The following POLE variants were observed in gnomAD, a reference collection of about 807,000 sequenced individuals.
The protein encoded by POLE is DNA polymerase epsilon catalytic subunit A.
Under a neutral mutation model 279.2 loss-of-function variants are expected in POLE, and 188 were observed. The observed-to-expected ratio is 0.67, with a 90% CI of 0.60 to 0.76. The LOEUF (loss-of-function observed/expected upper bound fraction) is 0.76. POLE is among the 30% of genes least tolerant of loss of function. POLE has a pLI of 0.00. For missense variants in POLE, 2,703 were observed against 3,016.7 expected (o/e 0.90, Z 2.44); for synonymous variants, 1,214 against 1,172.5 (o/e 1.04, Z -0.72).
chr12:132,646,085 C>T (rs1206288402), intron 32 of POLE, among the ~76,000 whole-genome samples: 1 of 152,190 alleles, frequency 6.6e-6, no homozygotes, highest in Non-Finnish European at 1.5e-5. Context: ...CAAAGACCAA[C>T]AGGGCATGTC....
chr12:132,645,903 T>C (rs1331117037), intron 32 of POLE, among the ~76,000 whole-genome samples: 1 of 152,194 alleles, frequency 6.6e-6, no homozygotes, highest in Non-Finnish European at 1.5e-5. Context: ...ATATATTTCC[T>C]GGCTGTTCAC....
At chr12:132,673,826 A>C in intron 12 of POLE, 119 bp from the exon 13 acceptor site, 2 of 1,153,256 alleles carry the variant, frequency 1.7e-6, no homozygotes, top group South Asian at 2.7e-5. Context: ...GGCACCCAGG[A>C]GCCTCACACC....
intron 14 of POLE, 36 bp downstream of exon 14, chr12:132,673,125 TGAG>T (rs776178553): frequency 7.6e-7 from 1 of 1,312,708 alleles, no homozygotes; most frequent in South Asian, 1.2e-5. Context: ...GGGCAAGGGC[TGAG>T]GAGGCCAGGG....
At chr12:132,680,887 T>A (rs2043152021) in intron 2 of POLE, 200 bp from the exon 3 acceptor site, 1 of 625,172 alleles carries the variant, frequency 1.6e-6, no homozygotes, top group Non-Finnish European at 2.8e-6. Flanking sequence ...CTCTCTCAAT[T>A]TCTCCCTCAT....
At chr12:132,643,687 T>C in intron 33 of POLE, 127 bp from the exon 34 acceptor site, 1 of 1,467,522 alleles carries the variant, frequency 6.8e-7, no homozygotes, top group Non-Finnish European at 9.4e-7. Context: ...AGGCCACTTT[T>C]GGCAGACACA....
intron 42 of POLE, 29 bp downstream of exon 42, chr12:132,635,863 G>A (rs2138484024): frequency 1.3e-6 from 2 of 1,590,568 alleles, no homozygotes; most frequent in South Asian, 1.1e-5. Context: ...CCCAAAGCTG[G>A]CTCGGGTGCC....
At chr12:132,656,993 G>T in intron 29 of POLE, 143 bp downstream of exon 29, 2 of 814,846 alleles carry the variant, frequency 2.5e-6, no homozygotes, top group South Asian at 1.7e-5. Flanking sequence ...AGAGTAAAGT[G>T]CCAATGGGCA....
At chr12:132,628,205 G>A (rs1450184290) in intron 45 of POLE, among the ~76,000 whole-genome samples, 1 of 152,104 alleles carries the variant, frequency 6.6e-6, no homozygotes, top group Non-Finnish European at 1.5e-5. Flanking sequence ...AGCCAGGTGT[G>A]GTGGCGCTTG....
intron 12 of POLE, among the ~76,000 whole-genome samples, chr12:132,674,564 C>T (rs2043000742): frequency 6.6e-6 from 1 of 152,178 alleles, no homozygotes; most frequent in Admixed American, 6.5e-5. Flanking sequence ...CCCCAGGTGC[C>T]AACCCCTCCC....
chr12:132,654,350 G>A (rs1382463562), intron 29 of POLE, among the ~76,000 whole-genome samples: 4 of 152,010 alleles, frequency 2.6e-5, no homozygotes, highest in Non-Finnish European at 4.4e-5. Context: ...TGGGATTACA[G>A]GTGTGAGCCA....
intron 14 of POLE, 68 bp downstream of exon 14, chr12:132,673,096 C>T: frequency 9.5e-7 from 1 of 1,047,394 alleles, no homozygotes; most frequent in Admixed American, 1.7e-5. Context: ...CTCCATTCAG[C>T]TCCAGTGCAT....
chr12:132,680,059 A>T lies in POLE; in HGVS notation c.331-13T>A. On this transcript the variant is annotated splice_polypyrimidine_tract_variant and intron_variant, in intron 4 of 48. Coordinates refer to ENST00000320574, the MANE Select transcript of POLE (RefSeq NM_006231.4). ...CTCGCTCACAACCCTAATCAGGATC[A>T]GAATGAAAAGGCTTTCCATTGGTAA... 1 of 1,609,300 alleles carries T rather than the reference A, an allele frequency of 6.2e-7. No individual in the cohort carries two copies. The highest frequency in any genetic ancestry group is 8.5e-7 in the Non-Finnish European group (1 of 1,176,002).
At chr12:132,650,441 T>TC (rs2042396794) in intron 29 of POLE, 1 of 153,858 alleles carries the variant, frequency 6.5e-6, no homozygotes, top group African/African-American at 2.4e-5. Context: ...ATGGTGAAAC[T>TC]CCGTCTCTAC....
chr12:132,669,957 T>C (rs5744791), intron 16 of POLE, among the ~76,000 whole-genome samples: 81,409 of 151,950 alleles, frequency 0.54, 23,117 homozygotes, highest in African/African-American at 0.72. Context: ...CCAGGGAGCC[T>C]GGCGTCCTCA....
chr12:132,644,589 T>C (rs1414491917), intron 32 of POLE, among the ~76,000 whole-genome samples: 2 of 152,112 alleles, frequency 1.3e-5, no homozygotes, highest in Non-Finnish European at 2.9e-5. Flanking sequence ...CCTGAGGGTG[T>C]AGATGGCAAA....
rs2138501554 is a variant in POLE, at chr12:132,638,090, A to G, written c.5602T>C (p.Phe1868Leu). 1.2e-6 allele frequency: 2 copies of G among 1,614,040 alleles called. No homozygotes were observed. Among genetic ancestry groups the G allele is most frequent in the Non-Finnish European group, 1.7e-6 (2 of 1,179,974 alleles). ...TTTGTACAGAGGATGATGCGGTTGA[A>G]GTTGGCGTAGATGACTGATGACCCC... ...RLGSSVIYAN[F>L]NRIILCTKKR... is the part of the protein sequence containing the mutation. Residue 1868 changes from phenylalanine to leucine, a missense_variant, in exon 41 of 49, where the codon TTC becomes CTC. Physicochemically the swap from Phe to Leu is conservative, Grantham distance 22. This residue lies in a region of POLE where 1,551 missense variants were observed against 1,686.1 expected (regional missense o/e 0.92). Transcript: ENST00000320574.
chr12:132,629,564 C>T (rs893057535), intron 45 of POLE, among the ~76,000 whole-genome samples: 1 of 152,212 alleles, frequency 6.6e-6, no homozygotes, highest in African/African-American at 2.4e-5. Context: ...AACCAACCTC[C>T]GCCAGCTTCA....
rs775126684 is a variant in POLE, at chr12:132,673,137, G to A, written c.1473+27C>T. The A allele has an allele frequency of 6.3e-6, 9 of 1,419,028 alleles. No homozygotes were observed. The South Asian group carries it at 1.0e-4, about 16-fold the overall frequency. 87.9% of individuals were successfully genotyped at this position (1,419,028 alleles called of 1,614,324 possible). A position where few individuals can be genotyped will look rare whatever the true frequency, so the allele number is the denominator to read the frequency against. ...ATGGGGCAAGGGCTGAGGAGGCCAG[G>A]GTGCCGACAGGACAGATAATGCTCA... On this transcript the variant is annotated intron_variant, in intron 14 of 48. Coordinates refer to ENST00000320574, the MANE Select transcript of POLE (RefSeq NM_006231.4).
Position 132,642,610 on chromosome 12 carries a change from C to T in POLE, c.4848G>A (p.Lys1616=). The T allele has an allele frequency of 1.2e-6, 2 of 1,613,582 alleles. No individual in the cohort carries two copies. The highest frequency in any genetic ancestry group is 1.7e-6 in the Non-Finnish European group (2 of 1,180,048). The change falls in exon 37 of 49, where the codon AAG becomes AAA. Residue 1616 remains lysine, a synonymous_variant. Transcript: ENST00000320574. The part of the protein sequence containing the change: ...FPLVPICVAD[K]INYGVLDWQR... The stretch of plus-strand genomic sequence containing the variant: ...GCCAGTCCAGGACCCCATAGTTGAT[C>T]TTGTCAGCCACACAGATAGGCACCA...
Sources: allele counts gnomAD v4.1 joint callset (sites outside exome capture counted in the v4.1 genomes callset), GRCh38; gene constraint gnomAD v4.1.1; regional missense constraint gnomAD v4.1.1; transcripts MANE v1.5; gene names NCBI Gene and HGNC (gene_info 2026-07-23, HGNC 2026-07-21).